The following ALDOA variants were observed in gnomAD, a reference collection of about 807,000 sequenced individuals.
The protein encoded by ALDOA is aldolase, fructose-bisphosphate A.
ALDOA carries 26 observed loss-of-function variants against 43.9 expected under a neutral mutation model. The ratio of observed to expected loss-of-function variants is 0.59; its 90% CI spans 0.43 to 0.82. The LOEUF (loss-of-function observed/expected upper bound fraction) is 0.82. Ranked by LOEUF, ALDOA falls within the 40% of genes least tolerant of loss-of-function variation. ALDOA has a pLI of 0.00. For synonymous variants in ALDOA, 258 were observed against 222.6 expected (o/e 1.16, Z -1.42); for missense variants, 498 against 549.5 (o/e 0.91, Z 0.94).
chr16:30,067,212 C>T (rs982361771), intron 2 of ALDOA, 22 bp from the exon 3 acceptor site: 5 of 1,612,000 alleles, frequency 3.1e-6, no homozygotes, highest in African/African-American at 2.7e-5. Context: ...ACTAGTCCTT[C>T]CCCTCTGTTT....
At chr16:30,068,465 G>A in intron 4 of ALDOA, 181 bp from the exon 5 acceptor site, 1 of 704,924 alleles carries the variant, frequency 1.4e-6, no homozygotes, top group South Asian at 1.5e-5. Flanking sequence ...TGGGGCTAAA[G>A]AAGAGGAAAG....
chr16:30,069,247 G>GATGT, intron 6 of ALDOA, 59 bp from the exon 7 acceptor site: 1 of 1,564,334 alleles, frequency 6.4e-7, no homozygotes, highest in Admixed American at 1.7e-5. Flanking sequence ...GCTGTGGAGA[G>GATGT]ATGTAGGTGG....
At position 30,067,554 on chromosome 16, in the gene ALDOA, T is replaced by C; in HGVS notation, c.379T>C (p.Cys127Arg). Residue 127 changes from cysteine to arginine, a missense_variant, in exon 4 of 10, where the codon TGC becomes CGC. Physicochemically the swap from Cys to Arg is radical, Grantham distance 180. Transcript: ENST00000642816. ...LLTADDRVNP[C>R]IGGVILFHET... is the part of the protein sequence containing the mutation. The stretch of plus-strand genomic sequence containing the variant: ...GACAGCTGACGACCGCGTGAACCCC[T>C]GCATTGGGGGTGTCATCCTCTTCCA... 6.2e-7 allele frequency: 1 copy of C among 1,613,708 alleles called. No homozygotes were observed. Among genetic ancestry groups the C allele is most frequent in the South Asian group, 1.1e-5 (1 of 91,080 alleles).
In ALDOA at chr16:30,069,762, TC is replaced by T. The variant is rs769597382; in HGVS notation, c.962-66del. On this transcript the variant is annotated intron_variant, in intron 8 of 9. Transcript: ENST00000642816. ...ATTTGGACGGATTTCCATGGCAACT[TC>T]CACCAGCTCCTGCCAGCTTCCTGGG... 9.3e-6 allele frequency: 15 copies of T among 1,612,008 alleles called. No homozygotes were observed. In the Middle Eastern group the frequency reaches 8.3e-4, roughly 89 times the overall value.
Position 30,069,595 on chromosome 16 carries a change from A to G in ALDOA, c.883A>G (p.Thr295Ala). The G allele has an allele frequency of 6.2e-7, 1 of 1,614,050 alleles. No homozygotes were observed. Among genetic ancestry groups the G allele is most frequent in the Non-Finnish European group, 8.5e-7 (1 of 1,180,036 alleles). The change falls in exon 8 of 10, where the codon ACT becomes GCT. Residue 295 changes from threonine (T) to alanine (A), a missense_variant. Coordinates refer to ENST00000642816, the MANE Select transcript of ALDOA (RefSeq NM_001243177.4). ...CATGGTCACCCCAGGCCATGCTTGC[A>G]CTCAGAAGTTTTCTCATGAGGAGAT... ...PNMVTPGHAC[T>A]QKFSHEEIAM...
chr16:30,069,733 G>C, intron 8 of ALDOA, 60 bp downstream of exon 8: 1 of 1,611,580 alleles, frequency 6.2e-7, no homozygotes, highest in Non-Finnish European at 8.5e-7. Context: ...ACAACCCTAT[G>C]CCCATTTGGA....
Position 30,068,944 on chromosome 16 carries a change from A to G in ALDOA, c.668A>G (p.Asn223Ser), listed in dbSNP as rs142957871. 1.0e-4 allele frequency: 166 copies of G among 1,614,056 alleles called. No individual in the cohort carries two copies. Among genetic ancestry groups the G allele is most frequent in the African/African-American group, 1.1e-4 (8 of 74,924 alleles). The change falls in exon 6 of 10, where the codon AAT (asparagine) becomes AGT (serine). Residue 223 changes from asparagine to serine, a missense_variant. Asn to Ser is a conservative substitution (Grantham distance 46). Coordinates refer to ENST00000642816, the MANE Select transcript of ALDOA (RefSeq NM_001243177.4). ...PSALAIMENANVLARYASICQ... is the reference protein window; with the variant it reads ...PSALAIMENASVLARYASICQ... ...GCCCTCGCCATCATGGAAAATGCCAATGTTCTGGCCCGTTATGCCAGTATC... is the reference window on the plus strand; with the variant it reads ...GCCCTCGCCATCATGGAAAATGCCAGTGTTCTGGCCCGTTATGCCAGTATC...
chr16:30,069,095 C>T (rs3751870), intron 6 of ALDOA, 117 bp downstream of exon 6: 6 of 1,514,088 alleles, frequency 4.0e-6, no homozygotes, highest in Admixed American at 1.8e-5. Flanking sequence ...AGCTTTGGCC[C>T]GTGGAGGACA....
In ALDOA at chr16:30,070,410, G is replaced by C; in HGVS notation, c.*198G>C. The C allele has an allele frequency of 1.6e-6, 1 of 610,168 alleles. No homozygotes were observed. Among genetic ancestry groups the C allele is most frequent in the Non-Finnish European group, 2.9e-6 (1 of 339,698 alleles). The allele number at this position is 610,168 out of a possible 1,614,324, so 37.8% of individuals were successfully genotyped here. ...ACTGCCAAATAAACAGCTATTTAAGGGGGAGTCGGCCGTCCGTGTCTTGTG... is the reference window on the plus strand; with the variant it reads ...ACTGCCAAATAAACAGCTATTTAAGCGGGAGTCGGCCGTCCGTGTCTTGTG... On this transcript the variant is annotated 3_prime_UTR_variant, in exon 10 of 10. Coordinates refer to ENST00000642816, the MANE Select transcript of ALDOA (RefSeq NM_001243177.4).
chr16:30,068,617 T>G (rs1304769569), intron 4 of ALDOA, 29 bp from the exon 5 acceptor site: 1 of 1,613,374 alleles, frequency 6.2e-7, no homozygotes, highest in Non-Finnish European at 8.5e-7. Flanking sequence ...ATTTCCTGTG[T>G]CTTAATGTTG....
intron 1 of ALDOA, among the ~76,000 whole-genome samples, chr16:30,066,526 G>T (rs557625278): frequency 1.3e-5 from 2 of 152,330 alleles, no homozygotes; most frequent in African/African-American, 2.4e-5. Flanking sequence ...CGCTTTCCTC[G>T]CCTCGGGCTA....
chr16:30,069,072 A>G (rs1033089785), intron 6 of ALDOA, 94 bp downstream of exon 6: 77 of 1,573,412 alleles, frequency 4.9e-5, no homozygotes, highest in Non-Finnish European at 6.4e-5. Context: ...CTACCTCCCC[A>G]AAAGCAAGCA....
chr16:30,067,112 C>G (rs1309342734), intron 2 of ALDOA, 74 bp downstream of exon 2: 1 of 1,571,940 alleles, frequency 6.4e-7, no homozygotes, highest in Non-Finnish European at 8.6e-7. Flanking sequence ...CCAGGGCCTG[C>G]TGGGTGTGGG....
rs3751869 is a variant in ALDOA, at chr16:30,069,199, G to C, written c.703-107G>C. The C allele has an allele frequency of 9.3e-5, 132 of 1,416,270 alleles. 1 individual carries two copies. In the East Asian group the frequency reaches 3.0e-3, roughly 32 times the overall value. 87.7% of individuals were successfully genotyped at this position (1,416,270 alleles called of 1,614,324 possible). The stretch of plus-strand genomic sequence containing the variant: ...CTGTAATCTGAGGGCTTTGAAGCCT[G>C]AGTCCCTGGCATCATCAAGATACGG... On this transcript the variant is annotated intron_variant, in intron 6 of 9. Coordinates refer to ENST00000642816, the MANE Select transcript of ALDOA (RefSeq NM_001243177.4).
At chr16:30,064,631 T>C (rs1380185329), upstream of ALDOA, 1 of 395,586 alleles carries the variant, frequency 2.5e-6, no homozygotes, top group African/African-American at 2.1e-5. Flanking sequence ...TATAGGTCCC[T>C]GCCAGAGGAT....
At chr16:30,066,618 C>T (rs2072115261) in intron 1 of ALDOA, among the ~76,000 whole-genome samples, 1 of 152,218 alleles carries the variant, frequency 6.6e-6, no homozygotes, top group Non-Finnish European at 1.5e-5. Flanking sequence ...CACCCGCCCC[C>T]TCCCTTGTGG....
upstream of ALDOA, among the ~76,000 whole-genome samples, chr16:30,065,021 A>G (rs1665102245): frequency 6.6e-6 from 1 of 152,260 alleles, no homozygotes; most frequent in East Asian, 1.9e-4. Context: ...CGGCCGGTGC[A>G]TAGCCGCGCA....
At chr16:30,067,100 C>T (rs2072136768) in intron 2 of ALDOA, 62 bp downstream of exon 2, 1 of 1,569,336 alleles carries the variant, frequency 6.4e-7, no homozygotes, top group African/African-American at 1.4e-5. Flanking sequence ...ACCAGAAGTG[C>T]CCCAGGGCCT....
intron 1 of ALDOA, 111 bp downstream of exon 1, chr16:30,066,038 C>T (rs1039724206): frequency 2.0e-4 from 30 of 152,994 alleles, no homozygotes; most frequent in Admixed American, 2.6e-4. Flanking sequence ...GCCAGCGTCT[C>T]CCCACTACCA....
Sources: allele counts gnomAD v4.1 joint callset (sites outside exome capture counted in the v4.1 genomes callset), GRCh38; gene constraint gnomAD v4.1.1; transcripts MANE v1.5; gene names NCBI Gene and HGNC (gene_info 2026-07-23, HGNC 2026-07-21).